ATIC: variants seen among roughly 807,000 people sequenced by gnomAD.
The protein encoded by ATIC is 5-aminoimidazole-4-carboxamide ribonucleotide formyltransferase/IMP cyclohydrolase.
In ATIC, 64 loss-of-function variants were observed where a neutral mutation model predicts 72.5. That is an observed-to-expected ratio of 0.88 (90% CI 0.72 to 1.09). The LOEUF (loss-of-function observed/expected upper bound fraction) is 1.09, where lower values mean the gene tolerates loss of function less well. Among genes scored for constraint, ATIC ranks in the 50% least tolerant of loss-of-function variants. The pLI, the probability that ATIC is intolerant of heterozygous loss-of-function variation, is 0.00. For synonymous variants in ATIC, 281 were observed against 267.1 expected (o/e 1.05, Z -0.51); for missense variants, 787 against 732.4 (o/e 1.07, Z -0.86).
downstream of ATIC, among the ~76,000 whole-genome samples, chr2:215,353,355 C>CAAA (rs1445535085): frequency 2.6e-5 from 4 of 152,148 alleles, no homozygotes; most frequent in Non-Finnish European, 5.9e-5. Flanking sequence ...CTACCCCACC[C>CAAA]CATTCCAAAC....
intron 5 of ATIC, 105 bp downstream of exon 5, chr2:215,325,434 C>T (rs1056242332): frequency 6.0e-6 from 5 of 836,068 alleles, no homozygotes; most frequent in Non-Finnish European, 1.0e-5. Context: ...AAGAAAATAG[C>T]TACTTCTGGA....
chr2:215,312,603 G>T lies in ATIC; in HGVS notation c.125G>T (p.Arg42Met). Residue 42 changes from arginine to methionine, a missense_variant, in exon 2 of 16, where the codon AGG (arginine) becomes ATG (methionine). Coordinates refer to ENST00000236959, the MANE Select transcript of ATIC (RefSeq NM_004044.7). ...TCCGGAGGGACTGCAAAAGCTCTCA[G>T]GGATGCTGGTCTGGCAGTCAGGTAA... Reference protein sequence around the residue: ...VASGGTAKALRDAGLAVRDVS... With the variant: ...VASGGTAKALMDAGLAVRDVS... 6.2e-7 allele frequency: 1 copy of T among 1,614,226 alleles called. No homozygotes were observed. Among genetic ancestry groups the T allele is most frequent in the Non-Finnish European group, 8.5e-7 (1 of 1,180,040 alleles).
intron 12 of ATIC, among the ~76,000 whole-genome samples, chr2:215,343,898 A>G (rs2053045407): frequency 6.6e-6 from 1 of 152,204 alleles, no homozygotes; most frequent in African/African-American, 2.4e-5. Flanking sequence ...GCCTGATACT[A>G]AAGATAGTGA....
chr2:215,364,038 C>T, the ATIC span, among the ~76,000 whole-genome samples: 3 of 152,208 alleles, frequency 2.0e-5, no homozygotes, highest in East Asian at 1.9e-4. Context: ...CCTTAGTCAT[C>T]GTAAACCTCA....
At chr2:215,319,279 G>T (rs111627861) in intron 3 of ATIC, among the ~76,000 whole-genome samples, 1 of 152,258 alleles carries the variant, frequency 6.6e-6, no homozygotes, top group African/African-American at 2.4e-5. Flanking sequence ...GGTGGCTCTT[G>T]CCTGTAGTCC....
chr2:215,356,760 TGCA>T, the ATIC span, among the ~76,000 whole-genome samples: 1 of 152,236 alleles, frequency 6.6e-6, no homozygotes, highest in Non-Finnish European at 1.5e-5. Context: ...AGGTTTATAT[TGCA>T]GCATGTACAT....
chr2:215,347,828 C>T (rs2053087894), intron 14 of ATIC, among the ~76,000 whole-genome samples: 1 of 152,084 alleles, frequency 6.6e-6, no homozygotes, highest in Non-Finnish European at 1.5e-5. Flanking sequence ...GATAGAAGCA[C>T]CTTGTAAAAT....
In ATIC at chr2:215,326,467, T is replaced by C. The variant is rs549849271; in HGVS notation, c.531+329T>C. Among the ~76,000 whole-genome samples, 16 of 151,580 alleles carry C rather than the reference T, an allele frequency of 1.1e-4. No homozygotes were observed. The South Asian group carries it at 3.1e-3, about 30-fold the overall frequency. On this transcript the variant is annotated intron_variant, in intron 6 of 15. Coordinates refer to ENST00000236959, the MANE Select transcript of ATIC (RefSeq NM_004044.7). ...TGAAAATACAAAAATTAGCCGAGTG[T>C]GGTGTGGTGTGGTACGCCTGTAATC...
chr2:215,326,029 GAGTGAC>G lies in ATIC; in HGVS notation c.427_432del (p.Thr143_Val144del). 1.9e-6 allele frequency: 3 copies of G among 1,614,132 alleles called. No individual in the cohort carries two copies. The highest frequency in any genetic ancestry group is 1.7e-5 in the Admixed American group (1 of 60,018). On this transcript the variant is annotated inframe_deletion, in exon 6 of 16. Coordinates refer to ENST00000236959, the MANE Select transcript of ATIC (RefSeq NM_004044.7). Reference sequence around the variant, plus strand: ...AGAGCTGCAGCCAAAAACCACGCTCGAGTGACAGTGGTGTGTGAACCAGAGGACTAT... The same window carrying G: ...AGAGCTGCAGCCAAAAACCACGCTCGAGTGGTGTGTGAACCAGAGGACTAT...
In ATIC at chr2:215,333,380, A is replaced by G. The variant is rs1254092406; in HGVS notation, c.845A>G (p.Asp282Gly). The G allele has an allele frequency of 2.5e-6, 4 of 1,614,056 alleles. No individual in the cohort carries two copies. The highest frequency in any genetic ancestry group is 2.5e-6 in the Non-Finnish European group (3 of 1,180,036). Residue 282 changes from aspartate (D) to glycine (G), a missense_variant, in exon 9 of 16, where the codon GAT becomes GGT. Transcript: ENST00000236959. ...GAAVGIPLSE[D>G]EAKVCMVYDL... ...GCTGTTGGAATTCCACTCAGTGAAG[A>G]TGAGGCCAAAGTCTGCATGGTTTAT...
In ATIC at chr2:215,346,937, G is replaced by A. The variant is rs76414987; in HGVS notation, c.1499G>A (p.Gly500Asp). The change falls in exon 14 of 16, where the codon GGC (glycine) becomes GAC (aspartate). Residue 500 changes from glycine to aspartate, a missense_variant. Gly to Asp is a moderately conservative substitution (Grantham distance 94, BLOSUM62 -1). Transcript: ENST00000236959. ...AIDQYVTGTI[G>D]EDEDLIKWKA... ...GATCAATATGTGACTGGAACCATTG[G>A]CGAGGTGAAAGACTTGGCATTGGGT... 1.3e-3 allele frequency: 2,103 copies of A among 1,614,148 alleles called. 26 individuals are homozygous for A. The African/African-American group carries it at 0.024, about 18-fold the overall frequency.
chr2:215,351,504 A>G (rs2053130252), downstream of ATIC, among the ~76,000 whole-genome samples: 1 of 152,194 alleles, frequency 6.6e-6, no homozygotes, highest in Non-Finnish European at 1.5e-5. Context: ...TCTCCTGTCT[A>G]TAATCCCAGC....
intron 4 of ATIC, among the ~76,000 whole-genome samples, chr2:215,320,663 T>G (rs1300354410): frequency 2.0e-5 from 3 of 152,200 alleles, no homozygotes; most frequent in African/African-American, 7.2e-5. Context: ...CACTGCAACC[T>G]CTGCCTCCTG....
At chr2:215,367,622 C>T in the ATIC span, 41 of 534,704 alleles carry the variant, frequency 7.7e-5, no homozygotes, top group African/African-American at 6.5e-4. Context: ...GCACCATAAT[C>T]TTATGTGTAA....
Position 215,336,184 on chromosome 2 carries a change from C to G in ATIC, c.1098+60C>G, listed in dbSNP as rs13002576. 682,856 of 1,271,834 alleles carry G rather than the reference C, an allele frequency of 0.54. 188,810 individuals are homozygous for G. The highest frequency in any genetic ancestry group is 0.73 in the East Asian group (31,594 of 43,232). 78.8% of individuals were successfully genotyped at this position (1,271,834 alleles called of 1,614,324 possible). On this transcript the variant is annotated intron_variant, in intron 11 of 15. Transcript: ENST00000236959. ...TCTTTTATTCTGTGTCTCTTTCTCC[C>G]TTGTTTACTCTTTCCTTTATACTCA... is the stretch of plus-strand genomic sequence containing the variant.
the ATIC span, chr2:215,364,917 C>A: frequency 1.3e-6 from 2 of 1,572,742 alleles, no homozygotes; most frequent in Non-Finnish European, 8.6e-7. Flanking sequence ...CAAATGGCAC[C>A]GAGATATTCC....
intron 3 of ATIC, 104 bp from the exon 4 acceptor site, chr2:215,319,561 T>A: frequency 1.1e-6 from 1 of 882,160 alleles, no homozygotes; most frequent in Non-Finnish European, 1.9e-6. Context: ...ATTTTTTTTT[T>A]AATCAATGGG....
chr2:215,346,992 C>T lies in ATIC; in HGVS notation c.1503+51C>T, dbSNP rs563864163. 33 of 1,580,914 alleles carry T rather than the reference C, an allele frequency of 2.1e-5. No homozygotes were observed. In the South Asian group the frequency reaches 3.2e-4, roughly 16 times the overall value. ...GGCTGTGTTAATATTCAGTTCAACC[C>T]TTTATGTGTAACAGATTTTAACTTC... is the stretch of plus-strand genomic sequence containing the variant. On this transcript the variant is annotated intron_variant, in intron 14 of 15. Transcript: ENST00000236959.
In ATIC at chr2:215,336,072, A is replaced by C. The variant is rs752490692; in HGVS notation, c.1046A>C (p.Glu349Ala). 6 of 1,612,996 alleles carry C rather than the reference A, an allele frequency of 3.7e-6. No individual in the cohort carries two copies. Among genetic ancestry groups the C allele is most frequent in the East Asian group, 2.2e-5 (1 of 44,832 alleles). ...DGIIAPGYEE[E>A]ALTILSKKKN... ...ATAATTGCCCCAGGATATGAAGAAGAAGCCTTGACAATACTTTCCAAAAAG... is the reference window on the plus strand; with the variant it reads ...ATAATTGCCCCAGGATATGAAGAAGCAGCCTTGACAATACTTTCCAAAAAG... Residue 349 changes from glutamate (E) to alanine (A), a missense_variant, in exon 11 of 16, where the codon GAA becomes GCA. By Grantham distance (107) the Glu-to-Ala change is moderately radical (BLOSUM62 -1). Coordinates refer to ENST00000236959, the MANE Select transcript of ATIC (RefSeq NM_004044.7).
Sources: allele counts gnomAD v4.1 joint callset (sites outside exome capture counted in the v4.1 genomes callset), GRCh38; gene constraint gnomAD v4.1.1; transcripts MANE v1.5; gene names NCBI Gene and HGNC (gene_info 2026-07-23, HGNC 2026-07-21).